The following GPC5 variants were observed in gnomAD, a reference collection of about 807,000 sequenced individuals.
The protein encoded by GPC5 is glypican-5.
GPC5 carries 47 observed loss-of-function variants against 53.9 expected under a neutral mutation model. That is an observed-to-expected ratio of 0.87 (90% confidence interval 0.69 to 1.11). The LOEUF is 1.11. GPC5 is among the 50% of genes most tolerant of loss of function. GPC5 has a pLI of 0.00. For synonymous variants in GPC5, 286 were observed against 263.3 expected (o/e 1.09, Z -0.84); for missense variants, 748 against 713.1 (o/e 1.05, Z -0.56).
At chr13:91,539,536 A>G (rs1195705900) in intron 2 of GPC5, among the ~76,000 whole-genome samples, 2 of 152,130 alleles carry the variant, frequency 1.3e-5, no homozygotes, top group Non-Finnish European at 2.9e-5. Flanking sequence ...ATTTCCCATC[A>G]ATTAAAATCT....
At chr13:92,391,710 T>G (rs1335781691) in intron 7 of GPC5, among the ~76,000 whole-genome samples, 1 of 152,204 alleles carries the variant, frequency 6.6e-6, no homozygotes, top group Non-Finnish European at 1.5e-5. Context: ...TTCATGACCT[T>G]TGCAAATACT....
intron 6 of GPC5, among the ~76,000 whole-genome samples, chr13:92,071,133 G>A (rs976446291): frequency 2.0e-5 from 3 of 152,140 alleles, no homozygotes; most frequent in Non-Finnish European, 4.4e-5. Flanking sequence ...CTACTCAGGA[G>A]GCTGAGGCAG....
Position 91,693,257 on chromosome 13 carries a change from C to T in GPC5, c.396C>T (p.Asn132=), listed in dbSNP as rs747866082. The T allele has an allele frequency of 3.7e-6, 6 of 1,614,006 alleles. No homozygotes were observed. The highest frequency in any genetic ancestry group is 2.2e-5 in the East Asian group (1 of 44,872). ...TACTTTTTTGCAGTACCTACAGGAA[C>T]ATGGCCTTGGAGGCTGCTGCTTCGG... The part of the protein sequence containing the change: ...TSILFCSTYR[N]MALEAAASVQ... The change falls in exon 3 of 8, where the codon AAC becomes AAT. Residue 132 remains asparagine, a synonymous_variant. Transcript: ENST00000377067.
chr13:92,836,225 C>G (rs1318436291), intron 7 of GPC5, among the ~76,000 whole-genome samples: 1 of 151,670 alleles, frequency 6.6e-6, no homozygotes, highest in African/African-American at 2.4e-5. Context: ...TCAATATTGT[C>G]CTCTTATCAC....
At position 92,757,439 on chromosome 13, in the gene GPC5, A is replaced by C. The variant is rs180966361; in HGVS notation, c.1562-108843A>C. On this transcript the variant is annotated intron_variant, in intron 7 of 7. Coordinates refer to ENST00000377067, the MANE Select transcript of GPC5 (RefSeq NM_004466.6). ...GGCATGGGCAAGGACTTCGTGTCTA[A>C]AACACCAAAAGCAATGGCAACAGAA... 6.2e-3 allele frequency among the ~76,000 whole-genome samples: 949 copies of C among 152,094 alleles called. 12 individuals are homozygous for C. The highest frequency in any genetic ancestry group is 0.022 in the African/African-American group (902 of 41,552).
intron 7 of GPC5, among the ~76,000 whole-genome samples, chr13:92,326,065 G>A (rs2139229392): frequency 6.6e-6 from 1 of 152,190 alleles, no homozygotes; most frequent in South Asian, 2.1e-4. Flanking sequence ...TTGAATCACA[G>A]ATGTGATTTT....
intron 5 of GPC5, among the ~76,000 whole-genome samples, chr13:91,811,586 T>C (rs1359925549): frequency 6.6e-6 from 1 of 152,166 alleles, no homozygotes; most frequent in East Asian, 1.9e-4. Context: ...CTTTGTTTAA[T>C]TTTATAACCA....
intron 7 of GPC5, among the ~76,000 whole-genome samples, chr13:92,754,892 C>A (rs1207418311): frequency 6.8e-6 from 1 of 147,848 alleles, no homozygotes; most frequent in East Asian, 2.1e-4. Context: ...GAGACTTTAA[C>A]ACCCCACTGT....
intron 7 of GPC5, among the ~76,000 whole-genome samples, chr13:92,385,365 T>TATATATACATATATATAC: frequency 2.1e-5 from 1 of 46,784 alleles, no homozygotes. Context: ...CATATATACA[T>TATATATACATATATATAC]ATATATACAT....
intron 7 of GPC5, among the ~76,000 whole-genome samples, chr13:92,808,251 A>G (rs956092054): frequency 2.0e-5 from 3 of 152,120 alleles, no homozygotes; most frequent in Non-Finnish European, 4.4e-5. Context: ...GCTTTGAAAG[A>G]GAATTTACTT....
chr13:91,907,328 C>A (rs1036334897), intron 5 of GPC5, among the ~76,000 whole-genome samples: 1 of 146,902 alleles, frequency 6.8e-6, no homozygotes, highest in Non-Finnish European at 1.5e-5. Context: ...TTGATATTAT[C>A]ATTATTAAAA....
chr13:91,625,998 G>A (rs898781309), intron 2 of GPC5, among the ~76,000 whole-genome samples: 1 of 149,986 alleles, frequency 6.7e-6, no homozygotes. Flanking sequence ...AGTGATAATG[G>A]CCTCATTAAC....
At chr13:91,574,725 G>A (rs937386527) in intron 2 of GPC5, among the ~76,000 whole-genome samples, 1 of 152,020 alleles carries the variant, frequency 6.6e-6, no homozygotes, top group African/African-American at 2.4e-5. Context: ...AAAGTAAAGG[G>A]ATTTTTCCCT....
chr13:92,838,432 G>A (rs1255895899), intron 7 of GPC5, among the ~76,000 whole-genome samples: 8 of 147,330 alleles, frequency 5.4e-5, no homozygotes, highest in African/African-American at 1.3e-4. Flanking sequence ...GCAGTGAGTC[G>A]AGATCACGCC....
At position 91,478,902 on chromosome 13, in the gene GPC5, T is replaced by TATATATATATAC. The variant is rs201918417; in HGVS notation, c.325+29980_325+29981insATATATATATAC. On this transcript the variant is annotated intron_variant, in intron 2 of 7. Transcript: ENST00000377067. The stretch of plus-strand genomic sequence containing the variant: ...CACATTATATATATATATATATATA[T>TATATATATATAC]GCACATATATATATTCTTTTTTTTT... 1.1e-3 allele frequency among the ~76,000 whole-genome samples: 103 copies of TATATATATATAC among 90,272 alleles called. 5 individuals carry two copies. The highest frequency in any genetic ancestry group is 5.6e-3 in the African/African-American group (93 of 16,598). 59.2% of individuals were successfully genotyped at this position (90,272 alleles called of 152,430 possible). A position where few individuals can be genotyped will look rare whatever the true frequency, so the allele number is the denominator to read the frequency against.
At chr13:92,514,220 T>G (rs2138957422) in intron 7 of GPC5, among the ~76,000 whole-genome samples, 1 of 128,154 alleles carries the variant, frequency 7.8e-6, no homozygotes, top group Non-Finnish European at 1.6e-5. Context: ...AAACACACAC[T>G]ATTTTAATAT....
chr13:92,847,240 G>C (rs74594080), intron 7 of GPC5, among the ~76,000 whole-genome samples: 1 of 152,064 alleles, frequency 6.6e-6, no homozygotes, highest in African/African-American at 2.4e-5. Context: ...TTGCAAAGAG[G>C]TTCTATACTC....
Position 92,211,597 on chromosome 13 carries a change from A to G in GPC5, c.1561+66608A>G, listed in dbSNP as rs74911324. ...TCCAAGTGTGTCCAGCAGCAGCAAC[A>G]TCGTCTGGGGACAGAAATGTGAATT... is the stretch of plus-strand genomic sequence containing the variant. On this transcript the variant is annotated intron_variant, in intron 7 of 7. Coordinates refer to ENST00000377067, the MANE Select transcript of GPC5 (RefSeq NM_004466.6). Among the ~76,000 whole-genome samples, 1,326 of 152,360 alleles carry G rather than the reference A, an allele frequency of 8.7e-3. 24 individuals carry two copies. The highest frequency in any genetic ancestry group is 0.03 in the African/African-American group (1,241 of 41,600).
At chr13:92,671,759 T>A (rs574128566) in intron 7 of GPC5, among the ~76,000 whole-genome samples, 1 of 151,604 alleles carries the variant, frequency 6.6e-6, no homozygotes, top group South Asian at 2.1e-4. Flanking sequence ...AAATGGGAAA[T>A]TATTTTTCTG....
Sources: allele counts gnomAD v4.1 joint callset (sites outside exome capture counted in the v4.1 genomes callset), GRCh38; gene constraint gnomAD v4.1.1; transcripts MANE v1.5; gene names NCBI Gene and HGNC (gene_info 2026-07-23, HGNC 2026-07-21).